COPG2: variants seen among roughly 807,000 people sequenced by gnomAD.
COPG2 encodes coatomer subunit gamma-2.
A neutral mutation model predicts 46.3 loss-of-function variants in COPG2; 37 were observed. The observed-to-expected ratio is 0.80, with a 90% CI of 0.61 to 1.05. The LOEUF (loss-of-function observed/expected upper bound fraction) is 1.05, where lower values mean the gene tolerates loss of function less well. Among genes scored for constraint, COPG2 ranks in the 50% least tolerant of loss-of-function variants. COPG2 has a pLI of 0.00. For missense variants in COPG2, 427 were observed against 387.8 expected (o/e 1.10, Z -0.85); for synonymous variants, 159 against 129.7 (o/e 1.23, Z -1.53).
At chr7:130,524,156 T>C (rs1171961408) in intron 20 of COPG2, among the ~76,000 whole-genome samples, 2 of 152,048 alleles carry the variant, frequency 1.3e-5, no homozygotes. Context: ...TGCTGGAAGG[T>C]ACCCATAGCC....
At chr7:130,551,727 C>T (rs1793536597) in intron 15 of COPG2, among the ~76,000 whole-genome samples, 2 of 152,180 alleles carry the variant, frequency 1.3e-5, no homozygotes, top group African/African-American at 2.4e-5. Context: ...AATTCAAAAT[C>T]CAGCCACTGT....
At chr7:130,550,392 C>T (rs1016378009) in intron 17 of COPG2, 132 bp downstream of exon 17, 8 of 249,556 alleles carry the variant, frequency 3.2e-5, no homozygotes, top group Middle Eastern at 2.3e-3. Context: ...GCCTGTGCGA[C>T]GGGAGTGAGA....
At chr7:130,650,939 A>G (rs1795725078) in intron 5 of COPG2, among the ~76,000 whole-genome samples, 1 of 152,180 alleles carries the variant, frequency 6.6e-6, no homozygotes, top group Non-Finnish European at 1.5e-5. Flanking sequence ...AAGCCTCTAG[A>G]CTTACGATTA....
chr7:130,606,790 A>C (rs1554451313), intron 9 of COPG2, among the ~76,000 whole-genome samples: 1 of 152,192 alleles, frequency 6.6e-6, no homozygotes, highest in African/African-American at 2.4e-5. Flanking sequence ...CCCCCGAATT[A>C]CATAATCAAT....
intron 9 of COPG2, among the ~76,000 whole-genome samples, chr7:130,569,743 C>T (rs1057461020): frequency 2.9e-3 from 436 of 151,828 alleles, no homozygotes; most frequent in Admixed American, 4.7e-3. Context: ...AACCAGGAAA[C>T]GACATAACAA....
chr7:130,537,169 T>C (rs889152307), intron 20 of COPG2, among the ~76,000 whole-genome samples: 1 of 151,662 alleles, frequency 6.6e-6, no homozygotes, highest in Non-Finnish European at 1.5e-5. Flanking sequence ...AGGAAGAAGG[T>C]AGGAGATTCA....
intron 5 of COPG2, among the ~76,000 whole-genome samples, chr7:130,637,537 C>T (rs1379087899): frequency 6.6e-6 from 1 of 152,098 alleles, no homozygotes; most frequent in African/African-American, 2.4e-5. Flanking sequence ...CTTGTGTATG[C>T]TTCACGATGT....
intron 12 of COPG2, among the ~76,000 whole-genome samples, chr7:130,557,590 T>G (rs1295941504): frequency 6.6e-6 from 1 of 151,734 alleles, no homozygotes; most frequent in Non-Finnish European, 1.5e-5. Context: ...GTGGATCACC[T>G]GAGGTCAGGA....
intron 4 of COPG2, among the ~76,000 whole-genome samples, chr7:130,656,457 CA>C (rs1373255706): frequency 1.3e-5 from 2 of 152,094 alleles, no homozygotes; most frequent in Admixed American, 1.3e-4. Flanking sequence ...CCAAGTTCAA[CA>C]ATTTAACTGA....
chr7:130,579,534 A>G (rs1289359068), intron 9 of COPG2, among the ~76,000 whole-genome samples: 2 of 152,118 alleles, frequency 1.3e-5, no homozygotes, highest in African/African-American at 2.4e-5. Context: ...AAATGCTCCA[A>G]TTAAAAGACA....
At chr7:130,648,658 G>A (rs1167685471) in intron 5 of COPG2, among the ~76,000 whole-genome samples, 1 of 152,144 alleles carries the variant, frequency 6.6e-6, no homozygotes, top group African/African-American at 2.4e-5. Context: ...AAAGTGAAAG[G>A]GAAGACATCA....
intron 9 of COPG2, among the ~76,000 whole-genome samples, chr7:130,572,513 T>C (rs1793924291): frequency 6.6e-6 from 1 of 152,156 alleles, no homozygotes; most frequent in East Asian, 1.9e-4. Context: ...ATACAAAGTA[T>C]GTTGTTCAAC....
At chr7:130,601,497 G>A (rs940270003) in intron 9 of COPG2, among the ~76,000 whole-genome samples, 1 of 152,168 alleles carries the variant, frequency 6.6e-6, no homozygotes, top group Non-Finnish European at 1.5e-5. Context: ...AAAAGGATGA[G>A]TTCATGTCCT....
At chr7:130,570,398 T>C (rs1793875259) in intron 9 of COPG2, among the ~76,000 whole-genome samples, 1 of 152,172 alleles carries the variant, frequency 6.6e-6, no homozygotes, top group African/African-American at 2.4e-5. Context: ...AGCACTGCTA[T>C]ACAGCAACAG....
intron 11 of COPG2, among the ~76,000 whole-genome samples, chr7:130,561,537 G>A (rs1470278151): frequency 2.0e-5 from 3 of 152,124 alleles, no homozygotes; most frequent in Non-Finnish European, 2.9e-5. Context: ...GATGTTAGGA[G>A]TACTGACAAC....
chr7:130,554,216 C>T (rs1793581112), intron 14 of COPG2, among the ~76,000 whole-genome samples: 1 of 152,086 alleles, frequency 6.6e-6, no homozygotes, highest in Non-Finnish European at 1.5e-5. Context: ...ACAAATTCTA[C>T]AAACATTCAT....
At chr7:130,628,561 A>G (rs1795163028) in intron 5 of COPG2, among the ~76,000 whole-genome samples, 1 of 151,766 alleles carries the variant, frequency 6.6e-6, no homozygotes, top group Non-Finnish European at 1.5e-5. Flanking sequence ...TTAGACATAC[A>G]GCTATTGTCC....
chr7:130,526,861 T>G, intron 20 of COPG2, among the ~76,000 whole-genome samples: 2 of 128,338 alleles, frequency 1.6e-5, no homozygotes, highest in East Asian at 2.6e-4. Context: ...GGATTTGGGA[T>G]TGGGTTTGGG....
At chr7:130,645,188 G>T (rs1197182397) in intron 5 of COPG2, 3 of 641,916 alleles carry the variant, frequency 4.7e-6, no homozygotes, top group Middle Eastern at 2.8e-4. Flanking sequence ...CACGTATTCA[G>T]AGAGTACCCC....
Sources: allele counts gnomAD v4.1 joint callset (sites outside exome capture counted in the v4.1 genomes callset), GRCh38; gene constraint gnomAD v4.1.1; transcripts MANE v1.5; gene names NCBI Gene and HGNC (gene_info 2026-07-23, HGNC 2026-07-21).